Variants in RNF125 observed in about 807,000 individuals in gnomAD.
The protein encoded by RNF125 is E3 ubiquitin-protein ligase RNF125.
In RNF125, 21 loss-of-function variants were observed where a neutral mutation model predicts 26.0. That is an observed-to-expected ratio of 0.81 (90% CI 0.57 to 1.16). RNF125 has a LOEUF of 1.16. Among genes scored for constraint, RNF125 ranks in the 50% most tolerant of loss-of-function variants. The pLI, the probability that RNF125 is intolerant of heterozygous loss-of-function variation, is 0.00. For missense variants in RNF125, 270 were observed against 299.4 expected (o/e 0.90, Z 0.72); for synonymous variants, 95 against 109.2 (o/e 0.87, Z 0.81).
chr18:32,088,582 A>C, the RNF125 span, among the ~76,000 whole-genome samples: 2 of 152,266 alleles, frequency 1.3e-5, no homozygotes, highest in African/African-American at 4.8e-5. Flanking sequence ...AGCTCACTGC[A>C]ACTTCTGCCT....
chr18:32,031,511 AAG>A (rs2039095611), intron 1 of RNF125, among the ~76,000 whole-genome samples: 2 of 150,934 alleles, frequency 1.3e-5, no homozygotes, highest in African/African-American at 4.9e-5. Context: ...AAAAAAAAAA[AAG>A]GGAAAACTGC....
At chr18:32,039,096 C>T (rs2039190870) in intron 2 of RNF125, among the ~76,000 whole-genome samples, 1 of 149,664 alleles carries the variant, frequency 6.7e-6, no homozygotes, top group African/African-American at 2.4e-5. Context: ...ATCACTCTAA[C>T]ATACACATAG....
chr18:32,057,584 C>T (rs1164731557), intron 4 of RNF125, among the ~76,000 whole-genome samples: 1 of 152,102 alleles, frequency 6.6e-6, no homozygotes, highest in Non-Finnish European at 1.5e-5. Context: ...ATCTGCCCAC[C>T]TCAGCCTCCC....
intron 1 of RNF125, among the ~76,000 whole-genome samples, chr18:32,034,408 G>A (rs938975448): frequency 2.0e-5 from 3 of 152,156 alleles, no homozygotes; most frequent in Admixed American, 6.5e-5. Flanking sequence ...GGTTATAGTC[G>A]GTCTGGGGGT....
chr18:32,043,464 A>G (rs563733907), intron 3 of RNF125, among the ~76,000 whole-genome samples: 1 of 152,350 alleles, frequency 6.6e-6, no homozygotes, highest in East Asian at 1.9e-4. Context: ...TTGTTTTACT[A>G]GAGATCGCCT....
intron 2 of RNF125, among the ~76,000 whole-genome samples, chr18:32,038,867 G>A (rs1452789709): frequency 6.6e-6 from 1 of 151,946 alleles, no homozygotes; most frequent in Non-Finnish European, 1.5e-5. Context: ...CTGGGTTTAA[G>A]CGATTTTCAT....
At chr18:32,089,104 A>T in the RNF125 span, among the ~76,000 whole-genome samples, 1 of 152,214 alleles carries the variant, frequency 6.6e-6, no homozygotes, top group East Asian at 1.9e-4. Context: ...AGGAATCAGA[A>T]GGTTTTACAG....
intron 4 of RNF125, among the ~76,000 whole-genome samples, chr18:32,062,167 C>T (rs1255928095): frequency 6.6e-6 from 1 of 152,172 alleles, no homozygotes; most frequent in Non-Finnish European, 1.5e-5. Flanking sequence ...CTTATATGCT[C>T]AAGATCACAC....
At chr18:32,077,937 C>T (rs2144531378), downstream of RNF125, among the ~76,000 whole-genome samples, 1 of 152,062 alleles carries the variant, frequency 6.6e-6, no homozygotes, top group South Asian at 2.1e-4. Flanking sequence ...TATAGGCACA[C>T]ACCACCACAT....
intron 1 of RNF125, among the ~76,000 whole-genome samples, chr18:32,032,790 C>T (rs897817019): frequency 1.3e-5 from 2 of 151,800 alleles, no homozygotes; most frequent in Non-Finnish European, 2.9e-5. Context: ...ACCTGGGAGG[C>T]AGAAGTTGCA....
Position 32,037,208 on chromosome 18 carries a change from C to G in RNF125, c.257C>G (p.Ala86Gly). The G allele has an allele frequency of 6.2e-7, 1 of 1,606,286 alleles. No homozygotes were observed. The highest frequency in any genetic ancestry group is 8.5e-7 in the Non-Finnish European group (1 of 1,177,126). The change falls in exon 2 of 6, where the codon GCA becomes GGA. Residue 86 changes from alanine (A) to glycine (G), a missense_variant. Ala to Gly is a moderately conservative substitution (Grantham distance 60). Transcript: ENST00000217740. The stretch of plus-strand genomic sequence containing the variant: ...TATCTTCCTTCAGAAGGAGTTCCAG[C>G]AACTGATGTAGCCAAAAGAATGAAA... The part of the protein sequence containing the change: ...RAYLPSEGVP[A>G]TDVAKRMKSE...
At chr18:32,021,477 T>A (rs2038986705) in intron 1 of RNF125, among the ~76,000 whole-genome samples, 1 of 152,224 alleles carries the variant, frequency 6.6e-6, no homozygotes, top group African/African-American at 2.4e-5. Context: ...TGCTCAGCTG[T>A]CCAGATGTAG....
rs2039165526 is a variant in RNF125, at chr18:32,037,228, A to T, written c.277A>T (p.Met93Leu). ...TCCAGCAACTGATGTAGCCAAAAGA[A>T]TGAAATCAGAGTATAAGAACTGCGC... The part of the protein sequence containing the change: ...GVPATDVAKR[M>L]KSEYKNCAEC... The change falls in exon 2 of 6, where the codon ATG (methionine) becomes TTG (leucine). Residue 93 changes from methionine (M) to leucine (L), a missense_variant. Transcript: ENST00000217740. 6.2e-7 allele frequency: 1 copy of T among 1,604,560 alleles called. No homozygotes were observed. Among genetic ancestry groups the T allele is most frequent in the Admixed American group, 1.7e-5 (1 of 57,546 alleles).
downstream of RNF125, chr18:32,075,825 T>G: frequency 3.0e-6 from 2 of 657,454 alleles, no homozygotes; most frequent in Non-Finnish European, 5.4e-6. Context: ...TTTTCTTTGT[T>G]GTTGTTGTTT....
At chr18:32,078,579 G>A in the RNF125 span, among the ~76,000 whole-genome samples, 1 of 151,874 alleles carries the variant, frequency 6.6e-6, no homozygotes, top group South Asian at 2.1e-4. Context: ...GTTCAACGCT[G>A]CAATGAGCTA....
chr18:32,028,025 G>A (rs1013170632), intron 1 of RNF125, among the ~76,000 whole-genome samples: 5 of 151,864 alleles, frequency 3.3e-5, no homozygotes, highest in East Asian at 1.9e-4. Context: ...TCGGCCGGGC[G>A]CGGTGGCTCA....
intron 2 of RNF125, among the ~76,000 whole-genome samples, chr18:32,041,644 T>G (rs2432698): frequency 7.4e-5 from 6 of 81,202 alleles, no homozygotes; most frequent in South Asian, 3.6e-4. Context: ...TTTTTTTTTT[T>G]TTTTGAGACG....
the RNF125 span, among the ~76,000 whole-genome samples, chr18:32,084,046 T>C: frequency 0.015 from 2,321 of 151,960 alleles, 63 homozygotes; most frequent in African/African-American, 0.053. Flanking sequence ...CAAATTTAAA[T>C]GTTTCTCTCA....
intron 4 of RNF125, among the ~76,000 whole-genome samples, chr18:32,063,592 A>C (rs2039455126): frequency 6.6e-6 from 1 of 152,224 alleles, no homozygotes; most frequent in South Asian, 2.1e-4. Context: ...AGAGAAATGA[A>C]AACTTAATGT....
Sources: gnomAD v4.1 joint callset for allele counts (sites outside exome capture counted in the v4.1 genomes callset) on GRCh38, gnomAD v4.1.1 for gene constraint, MANE v1.5 for transcripts, NCBI Gene and HGNC (gene_info 2026-07-23, HGNC 2026-07-21) for gene names.